Variants in TRIO observed in about 807,000 individuals in gnomAD.
TRIO encodes triple functional domain protein.
In TRIO, 58 loss-of-function variants were observed where a neutral mutation model predicts 351.9. The observed-to-expected ratio is 0.16, with a 90% confidence interval of 0.13 to 0.21. The LOEUF is 0.21. Ranked by LOEUF, TRIO falls within the 10% of genes least tolerant of loss-of-function variation. TRIO has a pLI of 1.00. For synonymous variants in TRIO, 1,758 were observed against 1,595.7 expected (o/e 1.10, Z -2.42); for missense variants, 3,201 against 4,027.8 (o/e 0.79, Z 5.56).
chr5:14,434,940 C>T (rs1037461279), intron 34 of TRIO, among the ~76,000 whole-genome samples: 5 of 152,158 alleles, frequency 3.3e-5, no homozygotes, highest in African/African-American at 1.2e-4. Context: ...GTAAATAAAG[C>T]AGTGTTTTCT....
At chr5:14,418,358 G>A (rs927920718) in intron 33 of TRIO, among the ~76,000 whole-genome samples, 2 of 152,184 alleles carry the variant, frequency 1.3e-5, no homozygotes, top group Non-Finnish European at 2.9e-5. Context: ...GGCTTGGAAG[G>A]AGAACCTGGA....
chr5:14,168,296 T>G (rs1298281120), intron 1 of TRIO, among the ~76,000 whole-genome samples: 1 of 152,256 alleles, frequency 6.6e-6, no homozygotes, highest in Non-Finnish European at 1.5e-5. Context: ...TTTTATGTGC[T>G]GTTCACACAG....
intron 2 of TRIO, among the ~76,000 whole-genome samples, chr5:14,273,658 C>T (rs1581500159): frequency 6.6e-6 from 1 of 152,228 alleles, no homozygotes; most frequent in East Asian, 1.9e-4. Flanking sequence ...CAGCATTCCT[C>T]TTCTGCCCAT....
chr5:14,455,136 C>T (rs929316667), intron 34 of TRIO, among the ~76,000 whole-genome samples: 1 of 152,128 alleles, frequency 6.6e-6, no homozygotes, highest in Non-Finnish European at 1.5e-5. Context: ...AGATTTATTG[C>T]AAAGATAAAG....
At chr5:14,294,453 T>A (rs1737172124) in intron 6 of TRIO, among the ~76,000 whole-genome samples, 1 of 152,250 alleles carries the variant, frequency 6.6e-6, no homozygotes, top group African/African-American at 2.4e-5. Flanking sequence ...TCAGTTTTTT[T>A]AGAATTTTCT....
intron 37 of TRIO, among the ~76,000 whole-genome samples, chr5:14,468,366 C>T (rs1337251101): frequency 6.6e-6 from 1 of 152,246 alleles, no homozygotes; most frequent in Non-Finnish European, 1.5e-5. Context: ...CAGGCAAGTC[C>T]TTCAGCCTCG....
At chr5:14,385,115 C>T (rs1051119999) in intron 21 of TRIO, among the ~76,000 whole-genome samples, 1 of 152,222 alleles carries the variant, frequency 6.6e-6, no homozygotes, top group South Asian at 2.1e-4. Flanking sequence ...GACGAGGCTC[C>T]GTTGCTGGGG....
At chr5:14,201,616 C>T (rs1184952741) in intron 1 of TRIO, among the ~76,000 whole-genome samples, 1 of 152,086 alleles carries the variant, frequency 6.6e-6, no homozygotes, top group Non-Finnish European at 1.5e-5. Context: ...TAAGATGATC[C>T]TGTATCTGGA....
chr5:14,476,831 C>T (rs1396592494), intron 40 of TRIO, 63 bp from the exon 41 acceptor site: 15 of 1,383,524 alleles, frequency 1.1e-5, no homozygotes, highest in Non-Finnish European at 1.5e-5. Flanking sequence ...AAAATGTAAA[C>T]CTAAATCTAA....
At chr5:14,373,612 G>A (rs1419844925) in intron 18 of TRIO, among the ~76,000 whole-genome samples, 1 of 152,130 alleles carries the variant, frequency 6.6e-6, no homozygotes, top group Non-Finnish European at 1.5e-5. Context: ...TTATCCTGCT[G>A]CATAAACATA....
intron 55 of TRIO, among the ~76,000 whole-genome samples, chr5:14,505,956 G>A (rs1345166734): frequency 6.6e-6 from 1 of 152,214 alleles, no homozygotes; most frequent in African/African-American, 2.4e-5. Flanking sequence ...CCTCTCATCG[G>A]CTCATTTCTC....
At chr5:14,507,765 C>A in intron 56 of TRIO, 115 bp from the exon 57 acceptor site, 1 of 1,330,784 alleles carries the variant, frequency 7.5e-7, no homozygotes, top group Non-Finnish European at 1.0e-6. Context: ...ACATGCATGG[C>A]TTGTCCTAGT....
chr5:14,410,129 C>T (rs940035328), intron 33 of TRIO, among the ~76,000 whole-genome samples: 2 of 152,172 alleles, frequency 1.3e-5, no homozygotes, highest in Non-Finnish European at 2.9e-5. Context: ...AGAACCACAG[C>T]GGGTGTCTTA....
chr5:14,458,538 C>T (rs149493849), intron 34 of TRIO, among the ~76,000 whole-genome samples: 30 of 152,282 alleles, frequency 2.0e-4, no homozygotes, highest in African/African-American at 6.7e-4. Flanking sequence ...TTTTGTGATC[C>T]AAATACCACT....
intron 1 of TRIO, among the ~76,000 whole-genome samples, chr5:14,257,856 A>C (rs186535877): frequency 6.6e-6 from 1 of 152,300 alleles, no homozygotes; most frequent in African/African-American, 2.4e-5. Flanking sequence ...AAATTCCCAA[A>C]ATTCAGTTAT....
chr5:14,473,914 C>T (rs148687237), intron 39 of TRIO, 80 bp from the exon 40 acceptor site: 1 of 1,440,934 alleles, frequency 6.9e-7, no homozygotes, highest in Non-Finnish European at 9.6e-7. Flanking sequence ...ATTTTGCCCT[C>T]TGTGACTATT....
chr5:14,362,629 A>G (rs926303583), intron 13 of TRIO, among the ~76,000 whole-genome samples: 7 of 152,126 alleles, frequency 4.6e-5, no homozygotes, highest in African/African-American at 1.7e-4. Flanking sequence ...TTTCCTCTAA[A>G]CTTAGAAGTT....
intron 1 of TRIO, among the ~76,000 whole-genome samples, chr5:14,246,909 G>A (rs1794472637): frequency 6.6e-6 from 1 of 152,222 alleles, no homozygotes; most frequent in African/African-American, 2.4e-5. Context: ...CCCCTTCAGA[G>A]TGCACCCTGG....
intron 8 of TRIO, among the ~76,000 whole-genome samples, chr5:14,310,759 C>T: frequency 6.6e-6 from 1 of 152,218 alleles, no homozygotes; most frequent in Admixed American, 6.5e-5. Context: ...GATTTAGGCT[C>T]ACTGCAACCT....
Sources: gnomAD v4.1 joint callset for allele counts (sites outside exome capture counted in the v4.1 genomes callset) on GRCh38, gnomAD v4.1.1 for gene constraint, MANE v1.5 for transcripts, NCBI Gene and HGNC (gene_info 2026-07-23, HGNC 2026-07-21) for gene names.